The following ANKRD30A variants were observed in gnomAD, a reference collection of about 807,000 sequenced individuals.
ANKRD30A encodes the protein ankyrin repeat domain-containing protein 30A.
Under a neutral mutation model 166.3 loss-of-function variants are expected in ANKRD30A, and 170 were observed. That is an observed-to-expected ratio of 1.02 (90% confidence interval 0.90 to 1.16). The LOEUF (loss-of-function observed/expected upper bound fraction) is 1.16, where lower values mean the gene tolerates loss of function less well. Ranked by LOEUF, ANKRD30A falls within the 50% of genes most tolerant of loss-of-function variation. The probability of loss-of-function intolerance (pLI) is 0.00; values close to 1 mark genes in which losing one functional copy is unlikely to be tolerated. For synonymous variants in ANKRD30A, 564 were observed against 508.9 expected (o/e 1.11, Z -1.46); for missense variants, 1,630 against 1,518.0 (o/e 1.07, Z -1.23).
rs762803525 is a variant in ANKRD30A, at chr10:37,205,504, C to T, written c.2869+4179C>T. ...TAAGAGAAATACCTAATGTAAATGACGAGTTAATGGGTGCAGTGCACCAAT... is the reference window on the plus strand; with the variant it reads ...TAAGAGAAATACCTAATGTAAATGATGAGTTAATGGGTGCAGTGCACCAAT... On this transcript the variant is annotated intron_variant, in intron 31 of 35. Transcript: ENST00000361713. Among the ~76,000 whole-genome samples the T allele has an allele frequency of 5.9e-5, 9 of 152,200 alleles. 2 individuals carry two copies. Among genetic ancestry groups the T allele is most frequent in the East Asian group, 1.9e-4 (1 of 5,160 alleles).
chr10:37,257,437 C>T, the ANKRD30A span, among the ~76,000 whole-genome samples: 1 of 151,576 alleles, frequency 6.6e-6, no homozygotes, highest in South Asian at 2.1e-4. Flanking sequence ...TTGTCTTCTG[C>T]TAGCTTTTGA....
intron 6 of ANKRD30A, among the ~76,000 whole-genome samples, chr10:37,140,710 A>T (rs557887373): frequency 6.6e-6 from 1 of 152,244 alleles, no homozygotes; most frequent in Non-Finnish European, 1.5e-5. Flanking sequence ...TCTAGGCTCA[A>T]CAAATTATAA....
chr10:37,129,538 A>C (rs1333659520), intron 1 of ANKRD30A, among the ~76,000 whole-genome samples: 1 of 152,174 alleles, frequency 6.6e-6, no homozygotes, highest in African/African-American at 2.4e-5. Flanking sequence ...CCATTGAGGC[A>C]TCATAGTGAT....
Position 37,125,982 on chromosome 10 carries a change from C to G in ANKRD30A, c.195C>G (p.Asn65Lys). Reference sequence around the variant, plus strand: ...TGACAAAGAGGAAGAAGACCATCAACCTTAATATACAAGACGCCCAGAAGA... The same window carrying G: ...TGACAAAGAGGAAGAAGACCATCAAGCTTAATATACAAGACGCCCAGAAGA... ...EKMTKRKKTI[N>K]LNIQDAQKRT... Residue 65 changes from asparagine (N) to lysine (K), a missense_variant, in exon 1 of 36, where the codon AAC becomes AAG. Asn to Lys is a moderately conservative substitution (Grantham distance 94, BLOSUM62 0). This residue lies in a region of ANKRD30A where 904 missense variants were observed against 818.5 expected (regional missense o/e 1.10). Transcript: ENST00000361713. The G allele has an allele frequency of 6.2e-7, 1 of 1,612,136 alleles. No individual in the cohort carries two copies. Among genetic ancestry groups the G allele is most frequent in the Non-Finnish European group, 8.5e-7 (1 of 1,179,982 alleles).
rs745929151 is a variant in ANKRD30A, at chr10:37,136,071, C to A, written c.756-536C>A. Among the ~76,000 whole-genome samples, 10 of 152,124 alleles carry A rather than the reference C, an allele frequency of 6.6e-5. No individual in the cohort carries two copies. The East Asian group carries it at 1.5e-3, about 23-fold the overall frequency. On this transcript the variant is annotated intron_variant, in intron 5 of 35. Coordinates refer to ENST00000361713, the MANE Select transcript of ANKRD30A (RefSeq NM_052997.3). Reference sequence around the variant, plus strand: ...CATCCCAAAGTGCTTGCATCACAGGCGTCAGGCACTGCACCAGGCCAACAC... The same window carrying A: ...CATCCCAAAGTGCTTGCATCACAGGAGTCAGGCACTGCACCAGGCCAACAC...
intron 25 of ANKRD30A, among the ~76,000 whole-genome samples, chr10:37,190,127 T>A (rs71489109): frequency 6.6e-6 from 1 of 151,876 alleles, no homozygotes; most frequent in Non-Finnish European, 1.5e-5. Context: ...CATATCTGCA[T>A]GGCCACACAT....
chr10:37,156,319 C>T (rs1177134907), intron 13 of ANKRD30A, among the ~76,000 whole-genome samples: 1 of 152,014 alleles, frequency 6.6e-6, no homozygotes, highest in African/African-American at 2.4e-5. Context: ...TCGAGCTATG[C>T]CATGTGACCT....
intron 34 of ANKRD30A, among the ~76,000 whole-genome samples, chr10:37,230,130 A>G (rs750554660): frequency 2.7e-4 from 41 of 152,140 alleles, no homozygotes; most frequent in South Asian, 1.9e-3. Context: ...ACTCTCCAAA[A>G]TGAAAACTGT....
At chr10:37,147,647 AC>A (rs1351855344) in intron 9 of ANKRD30A, among the ~76,000 whole-genome samples, 190 bp downstream of exon 9, 1 of 152,204 alleles carries the variant, frequency 6.6e-6, no homozygotes, top group Non-Finnish European at 1.5e-5. Context: ...TGCAAAAAAA[AC>A]AACCGAATTA....
Position 37,217,700 on chromosome 10 carries a change from C to G in ANKRD30A, c.3089C>G (p.Thr1030Ser), listed in dbSNP as rs746152021. Residue 1030 changes from threonine to serine, a missense_variant, in exon 33 of 36, where the codon ACT (threonine) becomes AGT (serine). By Grantham distance (58) the Thr-to-Ser change is moderately conservative. Transcript: ENST00000361713. The stretch of plus-strand genomic sequence containing the variant: ...ATAAGTATGTTTAATGGCAGATTGA[C>G]TTTAAACCAAGAAGAAGAGAAGAGA... ...WEQELCSVRL[T>S]LNQEEEKRRN... is the part of the protein sequence containing the mutation. The G allele has an allele frequency of 5.8e-6, 9 of 1,550,884 alleles. No homozygotes were observed. The highest frequency in any genetic ancestry group is 2.8e-5 in the African/African-American group (2 of 70,838).
At chr10:37,161,980 T>A (rs1838928283) in intron 15 of ANKRD30A, among the ~76,000 whole-genome samples, 2 of 152,192 alleles carry the variant, frequency 1.3e-5, no homozygotes, top group Admixed American at 1.3e-4. Flanking sequence ...ATTCATCTAT[T>A]GCAATAAATT....
Position 37,219,147 on chromosome 10 carries a change from A to C in ANKRD30A, c.3435A>C (p.Glu1145Asp). The change falls in exon 34 of 36, where the codon GAA (glutamate) becomes GAC (aspartate). Residue 1145 changes from glutamate (E) to aspartate (D), a missense_variant. Transcript: ENST00000361713. Reference sequence around the variant, plus strand: ...AGATTTTAAAAGAAAAGAATGCTGAACTTCAGATGACCCTAAAACTGAAAG... The same window carrying C: ...AGATTTTAAAAGAAAAGAATGCTGACCTTCAGATGACCCTAAAACTGAAAG... ...DIKILKEKNA[E>D]LQMTLKLKEE... is the part of the protein sequence containing the mutation. The C allele has an allele frequency of 6.2e-7, 1 of 1,610,340 alleles. No homozygotes were observed. The highest frequency in any genetic ancestry group is 1.7e-4 in the Middle Eastern group (1 of 6,042).
chr10:37,225,757 T>TTC (rs1843118550), intron 34 of ANKRD30A, among the ~76,000 whole-genome samples: 3 of 151,866 alleles, frequency 2.0e-5, no homozygotes, highest in African/African-American at 7.2e-5. Flanking sequence ...TACGCCATCC[T>TTC]ATGATGACTT....
At chr10:37,137,882 G>A (rs1200906) in intron 6 of ANKRD30A, among the ~76,000 whole-genome samples, 1 of 151,814 alleles carries the variant, frequency 6.6e-6, no homozygotes, top group East Asian at 1.9e-4. Context: ...AGTGGTTCTC[G>A]CAGCACCCAG....
chr10:37,172,201 C>T (rs1839623776), intron 21 of ANKRD30A, among the ~76,000 whole-genome samples: 1 of 98,610 alleles, frequency 1.0e-5, no homozygotes, highest in Non-Finnish European at 2.2e-5. Flanking sequence ...AAAAATTAGC[C>T]GGACGTGGTG....
the ANKRD30A span, among the ~76,000 whole-genome samples, chr10:37,249,923 G>A: frequency 5.9e-5 from 9 of 152,208 alleles, no homozygotes; most frequent in African/African-American, 1.9e-4. Context: ...GTAGTAGAAG[G>A]AAAACTACTG....
chr10:37,235,869 A>G (rs994211538), downstream of ANKRD30A, among the ~76,000 whole-genome samples: 9 of 144,846 alleles, frequency 6.2e-5, no homozygotes, highest in African/African-American at 2.3e-4. Flanking sequence ...TCCCAGGTTC[A>G]CGCCATTCTC....
intron 13 of ANKRD30A, 70 bp from the exon 14 acceptor site, chr10:37,158,322 A>C (rs1838541728): frequency 1.3e-6 from 2 of 1,541,672 alleles, no homozygotes. Flanking sequence ...TCATGTTCAC[A>C]CTGTGTGAAT....
In ANKRD30A at chr10:37,193,080, T is replaced by A. The variant is rs189638660; in HGVS notation, c.2529T>A (p.Asp843Glu). 22 of 1,609,622 alleles carry A rather than the reference T, an allele frequency of 1.4e-5. No individual in the cohort carries two copies. The highest frequency in any genetic ancestry group is 1.9e-5 in the Non-Finnish European group (22 of 1,176,942). The change falls in exon 26 of 36, where the codon GAT (aspartate) becomes GAA (glutamate). Residue 843 changes from aspartate to glutamate, a missense_variant. Transcript: ENST00000361713. ...TTCTTTTAGAGTCTCCTGATAATGA[T>A]GGTTTTCTGAAGGTAATAACTTTTA... ...NGKLEESPDN[D>E]GFLKAPCRMK...
Sources: gnomAD v4.1 joint callset for allele counts (sites outside exome capture counted in the v4.1 genomes callset) on GRCh38, gnomAD v4.1.1 for gene constraint, gnomAD v4.1.1 regional missense constraint, MANE v1.5 for transcripts, NCBI Gene and HGNC (gene_info 2026-07-23, HGNC 2026-07-21) for gene names.